SPACA1: variants seen among roughly 807,000 people sequenced by gnomAD.
SPACA1 encodes the protein sperm acrosome membrane-associated protein 1.
Under a neutral mutation model 32.6 loss-of-function variants are expected in SPACA1, and 17 were observed. That is an observed-to-expected ratio of 0.52 (90% CI 0.36 to 0.78). The LOEUF (loss-of-function observed/expected upper bound fraction) is 0.78. Among genes scored for constraint, SPACA1 ranks in the 30% least tolerant of loss-of-function variants. SPACA1 has a pLI of 0.01. For missense variants in SPACA1, 363 were observed against 373.4 expected, an observed-to-expected ratio of 0.97 and a Z score of 0.23; for synonymous variants, 140 against 138.1, an observed-to-expected ratio of 1.01 and a Z score of -0.10.
At chr6:88,065,068 C>G (rs1398913225) in intron 6 of SPACA1, among the ~76,000 whole-genome samples, 1 of 148,652 alleles carries the variant, frequency 6.7e-6, no homozygotes, top group Admixed American at 6.8e-5. Context: ...AGCCCTCAGG[C>G]TTACCAGGGT....
At position 88,063,063 on chromosome 6, in the gene SPACA1, A is replaced by G. The variant is rs541766932; in HGVS notation, c.611-1036A>G. ...AAACTTCAGCTCATTAACAAAAATC[A>G]TTAGGATAATGAATAGGCAAGCCAA... is the stretch of plus-strand genomic sequence containing the variant. On this transcript the variant is annotated intron_variant, in intron 5 of 6. Coordinates refer to ENST00000237201, the MANE Select transcript of SPACA1 (RefSeq NM_030960.3). 3.2e-4 allele frequency among the ~76,000 whole-genome samples: 49 copies of G among 152,356 alleles called. 3 individuals are homozygous for G. In the South Asian group the frequency reaches 9.1e-3, roughly 28 times the overall value.
rs771960206 is a variant in SPACA1, at chr6:88,066,218, T to C, written c.768T>C (p.Ser256=). The change falls in exon 7 of 7, where the codon TCT becomes TCC. Residue 256 remains serine, a synonymous_variant. Coordinates refer to ENST00000237201, the MANE Select transcript of SPACA1 (RefSeq NM_030960.3). ...AGGCTTTCTGGGGGGCAAAAGCCTC[T>C]ACACCTGAGGTACAATCCGAGCAGA... The part of the protein sequence containing the change: ...AVKAFWGAKA[S]TPEVQSEQSS... The C allele has an allele frequency of 1.2e-6, 2 of 1,608,942 alleles. No individual in the cohort carries two copies. Among genetic ancestry groups the C allele is most frequent in the Admixed American group, 1.7e-5 (1 of 59,750 alleles).
chr6:88,048,041 G>A lies in SPACA1; in HGVS notation c.136G>A (p.Glu46Lys). The A allele has an allele frequency of 2.1e-5, 33 of 1,602,814 alleles. No homozygotes were observed. Among genetic ancestry groups the A allele is most frequent in the Non-Finnish European group, 2.8e-5 (33 of 1,176,220 alleles). ...VQDAGLAHEG[E>K]GEEETENNDS... is the part of the protein sequence containing the mutation. ...GGATGCCGGCCTGGCCCACGAAGGCGAGGGCGAGGAGGAGACCGAAAACAA... is the reference window on the plus strand; with the variant it reads ...GGATGCCGGCCTGGCCCACGAAGGCAAGGGCGAGGAGGAGACCGAAAACAA... Residue 46 changes from glutamate (E) to lysine (K), a missense_variant, in exon 1 of 7, where the codon GAG (glutamate) becomes AAG (lysine). Physicochemically the swap from Glu to Lys is moderately conservative, Grantham distance 56. Coordinates refer to ENST00000237201, the MANE Select transcript of SPACA1 (RefSeq NM_030960.3).
chr6:88,059,586 G>T lies in SPACA1; in HGVS notation c.608G>T (p.Ser203Ile), dbSNP rs1221089300. ...ATIKFTVYTS[S>I]ELQMRRSSLP... ...ATTAAATTCACAGTCTATACGAGCA[G>T]TGGTAAGTGTCCAGCAATGTCTTGG... The change falls in exon 5 of 7, where the codon AGT becomes ATT. Residue 203 changes from serine (S) to isoleucine (I), a missense_variant and splice_region_variant. Coordinates refer to ENST00000237201, the MANE Select transcript of SPACA1 (RefSeq NM_030960.3). The T allele has an allele frequency of 1.2e-6, 2 of 1,609,200 alleles. No homozygotes were observed. The highest frequency in any genetic ancestry group is 1.7e-6 in the Non-Finnish European group (2 of 1,178,114).
chr6:88,052,454 T>C (rs1326978154), intron 1 of SPACA1, among the ~76,000 whole-genome samples: 3 of 152,252 alleles, frequency 2.0e-5, no homozygotes, highest in Non-Finnish European at 4.4e-5. Context: ...ATCATCATGA[T>C]AGTCTAAATC....
chr6:88,054,819 A>C (rs899874208), intron 2 of SPACA1, among the ~76,000 whole-genome samples: 1 of 152,160 alleles, frequency 6.6e-6, no homozygotes, highest in Non-Finnish European at 1.5e-5. Flanking sequence ...ATTGTGGTAC[A>C]GTATACCCAA....
At position 88,064,177 on chromosome 6, in the gene SPACA1, G is replaced by A. The variant is rs1481463621; in HGVS notation, c.689G>A (p.Cys230Tyr). Residue 230 changes from cysteine (C) to tyrosine (Y), a missense_variant, in exon 6 of 7, where the codon TGT (cysteine) becomes TAT (tyrosine). Cys to Tyr is a radical substitution (Grantham distance 194). Transcript: ENST00000237201. ...IFVLTIGVII[C>Y]VFIIFLLIFI... is the part of the protein sequence containing the mutation. ...GTGCTGACCATAGGAGTCATTATCT[G>A]TGTATTTATAATTTTCTTATTGATC... The A allele has an allele frequency of 5.0e-6, 8 of 1,612,728 alleles. No individual in the cohort carries two copies. The African/African-American group carries it at 5.3e-5, about 11-fold the overall frequency.
At chr6:88,055,046 T>C (rs1463528832) in intron 2 of SPACA1, among the ~76,000 whole-genome samples, 1 of 152,190 alleles carries the variant, frequency 6.6e-6, no homozygotes, top group African/African-American at 2.4e-5. Context: ...AACCTGTTTT[T>C]TTTTTTAACC....
Position 88,066,504 on chromosome 6 carries a change from C to T in SPACA1, c.*169C>T. The stretch of plus-strand genomic sequence containing the variant: ...ATTTTATCAGTGCATTTTTCCAGTA[C>T]AGTTATCAAATATTACTTTTAATTT... On this transcript the variant is annotated 3_prime_UTR_variant, in exon 7 of 7. Transcript: ENST00000237201. The T allele has an allele frequency of 2.1e-6, 1 of 470,224 alleles. No individual in the cohort carries two copies. The highest frequency in any genetic ancestry group is 3.4e-6 in the Non-Finnish European group (1 of 290,846). The allele number at this position is 470,224 out of a possible 1,614,324, so 29.1% of individuals were successfully genotyped here.
At chr6:88,052,834 C>T (rs548126669) in intron 1 of SPACA1, among the ~76,000 whole-genome samples, 15 of 151,916 alleles carry the variant, frequency 9.9e-5, no homozygotes, top group East Asian at 3.9e-4. Flanking sequence ...AAGACTCTCT[C>T]GGAAAAACAA....
intron 2 of SPACA1, 33 bp downstream of exon 2, chr6:88,054,035 T>C (rs763842435): frequency 2.5e-6 from 4 of 1,605,984 alleles, no homozygotes; most frequent in Middle Eastern, 3.3e-4. Context: ...ATAAACCATG[T>C]TGTAATTTGC....
chr6:88,056,020 C>T (rs1775801927), intron 2 of SPACA1, among the ~76,000 whole-genome samples: 1 of 151,926 alleles, frequency 6.6e-6, no homozygotes, highest in Non-Finnish European at 1.5e-5. Context: ...AAAATATTAA[C>T]AATAGCATGT....
intron 3 of SPACA1, 139 bp downstream of exon 3, chr6:88,057,852 ACTT>A: frequency 1.5e-6 from 1 of 645,632 alleles, no homozygotes; most frequent in Non-Finnish European, 2.8e-6. Flanking sequence ...TTTAAATTCC[ACTT>A]CTTCAAACAG....
chr6:88,057,591 T>G (rs1362314678), intron 2 of SPACA1, 21 bp from the exon 3 acceptor site: 1 of 1,583,296 alleles, frequency 6.3e-7, no homozygotes. Flanking sequence ...AACATTTGCC[T>G]TTTTAAATTT....
rs370125470 is a variant in SPACA1 at position 88,048,029 on chromosome 6, G to T, written c.124G>T (p.Ala42Ser). The T allele has an allele frequency of 5.6e-6, 9 of 1,599,946 alleles. No homozygotes were observed. Among genetic ancestry groups the T allele is most frequent in the East Asian group, 2.3e-5 (1 of 44,236 alleles). The change falls in exon 1 of 7, where the codon GCC (alanine) becomes TCC (serine). Residue 42 changes from alanine (A) to serine (S), a missense_variant. By Grantham distance (99) the Ala-to-Ser change is moderately conservative. Transcript: ENST00000237201. ...VTAAVQDAGL[A>S]HEGEGEEETE... is the part of the protein sequence containing the mutation. ...CGCTGCCGTCCAGGATGCCGGCCTG[G>T]CCCACGAAGGCGAGGGCGAGGAGGA...
chr6:88,050,871 CA>C (rs535810241), intron 1 of SPACA1, among the ~76,000 whole-genome samples: 113 of 152,244 alleles, frequency 7.4e-4, no homozygotes, highest in African/African-American at 2.6e-3. Context: ...GATTTATGGC[CA>C]GGGGCGGTGG....
In SPACA1 at chr6:88,064,857, G is replaced by A. The variant is rs561926193; in HGVS notation, c.731+638G>A. Among the ~76,000 whole-genome samples, 498 of 146,628 alleles carry A rather than the reference G, an allele frequency of 3.4e-3. 3 individuals are homozygous for A. The highest frequency in any genetic ancestry group is 0.011 in the African/African-American group (450 of 40,180). On this transcript the variant is annotated intron_variant, in intron 6 of 6. Coordinates refer to ENST00000237201, the MANE Select transcript of SPACA1 (RefSeq NM_030960.3). ...TATGTGTGTACCAAATATGTATGTA[G>A]TATATATTATTTATATATAATATAT...
upstream of SPACA1, chr6:88,047,748 A>G (rs929885371): frequency 5.4e-6 from 4 of 736,730 alleles, no homozygotes; most frequent in Admixed American, 3.0e-5. Flanking sequence ...GGCGCTCAGC[A>G]CCGGAGCAGC....
Position 88,053,949 on chromosome 6 carries a change from C to T in SPACA1, c.212C>T (p.Ser71Leu). Residue 71 changes from serine (S) to leucine (L), a missense_variant, in exon 2 of 7, where the codon TCA becomes TTA. Ser to Leu is a moderately radical substitution (Grantham distance 145). Transcript: ENST00000237201. ...TATCTTTACCCTTTATGTTTAGTTT[C>T]AAATAGGAATGTCGTCAAAGAAGTA... ...NYAPPETEDVSNRNVVKEVEF... is the reference protein window; with the variant it reads ...NYAPPETEDVLNRNVVKEVEF... 2 of 1,612,830 alleles carry T rather than the reference C, an allele frequency of 1.2e-6. No individual in the cohort carries two copies. Among genetic ancestry groups the T allele is most frequent in the Admixed American group, 3.3e-5 (2 of 59,972 alleles).
Sources: gnomAD v4.1 joint callset for allele counts (sites outside exome capture counted in the v4.1 genomes callset) on GRCh38, gnomAD v4.1.1 for gene constraint, MANE v1.5 for transcripts, NCBI Gene and HGNC (gene_info 2026-07-23, HGNC 2026-07-21) for gene names.